The following GLI3 variants were observed in gnomAD, a reference collection of about 807,000 sequenced individuals.
The protein encoded by GLI3 is transcription activator GLI3.
Under a neutral mutation model 100.8 loss-of-function variants are expected in GLI3, and 20 were observed. The ratio of observed to expected loss-of-function variants is 0.20; its 90% CI spans 0.14 to 0.29. The LOEUF is 0.29. Ranked by LOEUF, GLI3 falls within the 10% of genes least tolerant of loss-of-function variation. GLI3 has a pLI of 1.00. For missense variants in GLI3, 2,040 were observed against 2,128.5 expected (o/e 0.96, Z 0.82); for synonymous variants, 938 against 860.5 (o/e 1.09, Z -1.58).
chr7:42,179,666 G>A (rs879468479), intron 2 of GLI3, among the ~76,000 whole-genome samples: 1 of 152,122 alleles, frequency 6.6e-6, no homozygotes, highest in African/African-American at 2.4e-5. Context: ...GAATTTCCTA[G>A]CAAGCTAGAC....
At chr7:42,136,086 G>T (rs1786421933) in intron 3 of GLI3, among the ~76,000 whole-genome samples, 1 of 152,178 alleles carries the variant, frequency 6.6e-6, no homozygotes, top group Admixed American at 6.5e-5. Context: ...TGCCTAGGTA[G>T]GGCCAGATAC....
Position 42,025,299 on chromosome 7 carries a change from C to T in GLI3, c.1321G>A (p.Glu441Lys), listed in dbSNP as rs1287956678. Residue 441 changes from glutamate to lysine, a missense_variant, in exon 9 of 15, where the codon GAA becomes AAA. Around this residue, in one of 5 missense-constraint regions of GLI3, gnomAD observed 603 missense variants for 690.9 expected, o/e 0.87. Transcript: ENST00000395925. ...CGAGCCCCTGGGCTGGGGAGGTCTT[C>T]ATCGGGTTTGATCTTGGACCTCTTG... is the stretch of plus-strand genomic sequence containing the variant. ...HNKRSKIKPDEDLPSPGARGQ... is the reference protein window; with the variant it reads ...HNKRSKIKPDKDLPSPGARGQ... The T allele has an allele frequency of 3.7e-6, 6 of 1,614,098 alleles. No individual in the cohort carries two copies. The South Asian group carries it at 6.6e-5, about 18-fold the overall frequency.
rs138272666 is a variant in GLI3 at position 41,964,468 on chromosome 7, G to A, written c.4605C>T (p.Ser1535=). 80 of 1,614,080 alleles carry A rather than the reference G, an allele frequency of 5.0e-5. No individual in the cohort carries two copies. The highest frequency in any genetic ancestry group is 6.3e-5 in the Non-Finnish European group (74 of 1,180,016). The part of the protein sequence containing the change: ...PSIIQNLSHS[S]SRLTTPRASL... ...ACGCCCGAGGCGTGGTGAGGCGGGA[G>A]GAGCTATGGGAAAGGTTCTGAATGA... Residue 1535 remains serine (S), a synonymous_variant, in exon 15 of 15, where the codon TCC becomes TCT. Coordinates refer to ENST00000395925, the MANE Select transcript of GLI3 (RefSeq NM_000168.6).
chr7:42,263,809 G>T (rs944330733), intron 1 of GLI3, among the ~76,000 whole-genome samples: 1 of 152,126 alleles, frequency 6.6e-6, no homozygotes, highest in Non-Finnish European at 1.5e-5. Context: ...AGTGTCTGGT[G>T]GGGTTAGATC....
At chr7:42,209,232 G>A (rs1327656930) in intron 2 of GLI3, among the ~76,000 whole-genome samples, 2 of 151,826 alleles carry the variant, frequency 1.3e-5, no homozygotes, top group Non-Finnish European at 2.9e-5. Context: ...TAATTTTTTT[G>A]TAGAGACAGG....
chr7:42,092,148 C>T (rs1785234608), intron 3 of GLI3, among the ~76,000 whole-genome samples: 1 of 152,306 alleles, frequency 6.6e-6, no homozygotes, highest in East Asian at 1.9e-4. Context: ...GGCCAAGGAC[C>T]CTGGAGGATT....
chr7:41,990,505 T>G (rs1382643082), intron 10 of GLI3, among the ~76,000 whole-genome samples: 3 of 152,228 alleles, frequency 2.0e-5, no homozygotes, highest in Non-Finnish European at 4.4e-5. Flanking sequence ...CACTGAAGTC[T>G]GATTCTGAAC....
chr7:42,219,853 C>CTTTTT (rs769305998), intron 2 of GLI3, among the ~76,000 whole-genome samples: 1 of 133,728 alleles, frequency 7.5e-6, no homozygotes, highest in Non-Finnish European at 1.6e-5. Context: ...AAACTGAACT[C>CTTTTT]TTTTTTTTTT....
At chr7:42,224,562 T>C (rs1332014040) in intron 1 of GLI3, among the ~76,000 whole-genome samples, 1 of 152,188 alleles carries the variant, frequency 6.6e-6, no homozygotes, top group Admixed American at 6.5e-5. Context: ...TCCAGTGTCA[T>C]TCATTGTAAA....
intron 10 of GLI3, among the ~76,000 whole-genome samples, chr7:41,993,858 A>T (rs934290085): frequency 6.6e-6 from 1 of 152,220 alleles, no homozygotes; most frequent in Non-Finnish European, 1.5e-5. Flanking sequence ...GATAAACCTC[A>T]GCATCACAGA....
At chr7:42,194,390 C>T (rs199786480) in intron 2 of GLI3, among the ~76,000 whole-genome samples, 2 of 152,218 alleles carry the variant, frequency 1.3e-5, no homozygotes, top group South Asian at 2.1e-4. Context: ...TTTGCTCTAT[C>T]TGCTTTCGGC....
At chr7:42,044,878 C>T (rs771372545) in intron 6 of GLI3, among the ~76,000 whole-genome samples, 27 of 152,038 alleles carry the variant, frequency 1.8e-4, no homozygotes, top group African/African-American at 5.1e-4. Context: ...AAGACAATCA[C>T]GACAGGAAAA....
intron 2 of GLI3, among the ~76,000 whole-genome samples, chr7:42,168,194 G>A (rs899366651): frequency 4.6e-5 from 7 of 152,188 alleles, no homozygotes; most frequent in Admixed American, 6.5e-5. Context: ...TCAGAACTCA[G>A]TACCTTGTTA....
chr7:42,076,644 C>G (rs1457765759), intron 4 of GLI3, 108 bp downstream of exon 4: 6 of 772,494 alleles, frequency 7.8e-6, no homozygotes, highest in East Asian at 2.5e-5. Flanking sequence ...TCTTACACTT[C>G]TATCACATCT....
chr7:42,020,889 C>CAAAAAAAA (rs371389453), intron 10 of GLI3, among the ~76,000 whole-genome samples: 11 of 113,112 alleles, frequency 9.7e-5, no homozygotes, highest in African/African-American at 3.8e-4. Context: ...GACTCCGTCT[C>CAAAAAAAA]AAAAAAAAAA....
intron 4 of GLI3, among the ~76,000 whole-genome samples, chr7:42,068,542 C>T (rs1784720676): frequency 6.6e-6 from 1 of 152,150 alleles, no homozygotes; most frequent in Admixed American, 6.5e-5. Flanking sequence ...TCTGTTACTT[C>T]ATACTCAAAA....
intron 4 of GLI3, among the ~76,000 whole-genome samples, chr7:42,069,553 A>G (rs1304381799): frequency 1.3e-5 from 2 of 152,194 alleles, no homozygotes; most frequent in Non-Finnish European, 1.5e-5. Context: ...TTGATTTGAC[A>G]TGATATGCAG....
intron 9 of GLI3, among the ~76,000 whole-genome samples, chr7:42,024,433 C>G (rs561122301): frequency 3.7e-4 from 2 of 5,406 alleles, no homozygotes; most frequent in African/African-American, 4.7e-3. Context: ...TTTCAGAGCC[C>G]GTGACACAAT....
intron 1 of GLI3, among the ~76,000 whole-genome samples, chr7:42,230,831 C>T (rs190959729): frequency 9.2e-5 from 14 of 152,286 alleles, no homozygotes; most frequent in Admixed American, 3.9e-4. Context: ...CACACTGGCA[C>T]CCCCACTTTC....
Sources: gnomAD v4.1 joint callset for allele counts (sites outside exome capture counted in the v4.1 genomes callset) on GRCh38, gnomAD v4.1.1 for gene constraint, gnomAD v4.1.1 regional missense constraint, MANE v1.5 for transcripts, NCBI Gene and HGNC (gene_info 2026-07-23, HGNC 2026-07-21) for gene names.